Variants in WARS2 observed in about 807,000 individuals in gnomAD.
WARS2 encodes the protein tryptophanyl tRNA synthetase 2, mitochondrial, also known as tryptophan--tRNA ligase, mitochondrial.
WARS2 carries 28 observed loss-of-function variants against 36.5 expected under a neutral mutation model. That is an observed-to-expected ratio of 0.77 (90% CI 0.57 to 1.05). The LOEUF is 1.05. Ranked by LOEUF, WARS2 falls within the 50% of genes least tolerant of loss-of-function variation. WARS2 has a pLI of 0.00. For missense variants in WARS2, 435 were observed against 456.8 expected (o/e 0.95, Z 0.44); for synonymous variants, 174 against 178.4 (o/e 0.98, Z 0.20).
chr1:119,100,891 G>C (rs188843386), intron 1 of WARS2, among the ~76,000 whole-genome samples: 1 of 152,294 alleles, frequency 6.6e-6, no homozygotes, highest in Admixed American at 6.5e-5. Context: ...TCCCACCTTG[G>C]CCTTCTAAAG....
At chr1:119,126,555 A>G (rs1655672435) in intron 1 of WARS2, 1 of 596,092 alleles carries the variant, frequency 1.7e-6, no homozygotes, top group South Asian at 1.8e-5. Flanking sequence ...AGATTCTTGG[A>G]CTAGTGGTTC....
intron 1 of WARS2, among the ~76,000 whole-genome samples, chr1:119,081,851 C>T (rs1300752372): frequency 6.6e-6 from 1 of 152,164 alleles, no homozygotes; most frequent in African/African-American, 2.4e-5. Context: ...ACTGGTGCTC[C>T]TCTGAAGGTT....
At chr1:119,133,530 C>T (rs1276448825) in intron 1 of WARS2, among the ~76,000 whole-genome samples, 1 of 152,146 alleles carries the variant, frequency 6.6e-6, no homozygotes, top group Non-Finnish European at 1.5e-5. Context: ...CTCCCAACAT[C>T]GTCATCTATA....
At chr1:119,126,786 T>A in intron 1 of WARS2, 1 of 738,912 alleles carries the variant, frequency 1.4e-6, no homozygotes, top group Non-Finnish European at 2.5e-6. Context: ...ATTGACCACC[T>A]CTTTCCAGTC....
At chr1:119,108,356 T>C (rs191268842) in intron 1 of WARS2, among the ~76,000 whole-genome samples, 1 of 152,144 alleles carries the variant, frequency 6.6e-6, no homozygotes, top group East Asian at 1.9e-4. Context: ...TTGATTCAAT[T>C]GATTTAACAG....
At chr1:119,111,853 G>C (rs1654659312) in intron 1 of WARS2, among the ~76,000 whole-genome samples, 1 of 152,026 alleles carries the variant, frequency 6.6e-6, no homozygotes, top group Non-Finnish European at 1.5e-5. Context: ...AATTTTGGGG[G>C]GCAGAAGTCT....
At chr1:119,102,116 A>G (rs1008300405) in intron 1 of WARS2, among the ~76,000 whole-genome samples, 5 of 152,212 alleles carry the variant, frequency 3.3e-5, no homozygotes, top group African/African-American at 1.2e-4. Context: ...AAAATACCAG[A>G]TCCTCATTCA....
intron 2 of WARS2, chr1:119,063,014 T>C (rs1334105372): frequency 2.6e-5 from 4 of 152,336 alleles, no homozygotes; most frequent in South Asian, 2.1e-4. Flanking sequence ...CAGAAGAAGA[T>C]AGGAAGATAA....
chr1:119,035,835 C>T (rs1172754540), intron 4 of WARS2, among the ~76,000 whole-genome samples: 1 of 152,134 alleles, frequency 6.6e-6, no homozygotes, highest in Non-Finnish European at 1.5e-5. Context: ...AAAACAAGAA[C>T]AGAACAATCA....
intron 2 of WARS2, among the ~76,000 whole-genome samples, chr1:119,066,499 A>G (rs1286377109): frequency 6.7e-6 from 1 of 150,034 alleles, no homozygotes; most frequent in Non-Finnish European, 1.5e-5. Flanking sequence ...AAAAAAAAAA[A>G]GACAAGCTAC....
At chr1:119,048,683 C>G (rs1031236593) in intron 2 of WARS2, among the ~76,000 whole-genome samples, 2 of 152,090 alleles carry the variant, frequency 1.3e-5, no homozygotes, top group Non-Finnish European at 2.9e-5. Flanking sequence ...TGGACCTAGA[C>G]GAGGAGAAAA....
intron 1 of WARS2, among the ~76,000 whole-genome samples, chr1:119,104,760 G>A (rs1355305661): frequency 7.4e-6 from 1 of 135,606 alleles, no homozygotes; most frequent in African/African-American, 2.5e-5. Context: ...ATTGTAAGAA[G>A]AGGCCAAAAA....
At chr1:119,135,733 G>GATAT (rs1656444336) in intron 1 of WARS2, among the ~76,000 whole-genome samples, 1 of 116,156 alleles carries the variant, frequency 8.6e-6, no homozygotes, top group Non-Finnish European at 1.9e-5. Flanking sequence ...TAGATAGATA[G>GATAT]ATAGATAGAT....
chr1:119,055,136 A>G (rs1347111799), intron 2 of WARS2, among the ~76,000 whole-genome samples: 1 of 152,214 alleles, frequency 6.6e-6, no homozygotes, highest in Non-Finnish European at 1.5e-5. Context: ...ATTTTATGTT[A>G]TGTGAGTTTT....
At chr1:119,097,004 T>C (rs1653490063) in intron 1 of WARS2, among the ~76,000 whole-genome samples, 1 of 152,150 alleles carries the variant, frequency 6.6e-6, no homozygotes, top group Non-Finnish European at 1.5e-5. Flanking sequence ...CAGACTTTTG[T>C]TTTGCTGTTA....
chr1:119,060,282 G>A (rs1468585600), intron 2 of WARS2, among the ~76,000 whole-genome samples: 1 of 152,108 alleles, frequency 6.6e-6, no homozygotes, highest in African/African-American at 2.4e-5. Context: ...TGAGATGAAG[G>A]GGCCTGCATG....
At chr1:119,127,146 ACTAGCAT>A in intron 1 of WARS2, 1 of 729,062 alleles carries the variant, frequency 1.4e-6, no homozygotes, top group Non-Finnish European at 2.5e-6. Context: ...GGTCCTGGTG[ACTAGCAT>A]CTTTCCAGTA....
chr1:119,104,901 G>A (rs1270305058), intron 1 of WARS2, among the ~76,000 whole-genome samples: 1 of 152,078 alleles, frequency 6.6e-6, no homozygotes, highest in African/African-American at 2.4e-5. Flanking sequence ...ACAAGGCCTT[G>A]TATGCTATGA....
intron 2 of WARS2, among the ~76,000 whole-genome samples, chr1:119,053,900 T>G (rs889385972): frequency 2.0e-5 from 3 of 151,906 alleles, no homozygotes; most frequent in Non-Finnish European, 4.4e-5. Context: ...AACCAATTTT[T>G]TTTTAAATTA....
Sources: allele counts gnomAD v4.1 joint callset (sites outside exome capture counted in the v4.1 genomes callset), GRCh38; gene constraint gnomAD v4.1.1; transcripts MANE v1.5; gene names NCBI Gene and HGNC (gene_info 2026-07-23, HGNC 2026-07-21).